USB1: variants seen among roughly 807,000 people sequenced by gnomAD.
USB1 encodes U6 snRNA phosphodiesterase 1.
In USB1, 21 loss-of-function variants were observed where a neutral mutation model predicts 29.9. The observed-to-expected ratio is 0.70, with a 90% CI of 0.50 to 1.01. The LOEUF is 1.01. USB1 is among the 50% of genes least tolerant of loss of function. USB1 has a pLI of 0.00. For synonymous variants in USB1, 143 were observed against 134.9 expected, an observed-to-expected ratio of 1.06 and a Z score of -0.42; for missense variants, 330 against 347.1, an observed-to-expected ratio of 0.95 and a Z score of 0.39.
chr16:58,005,129 T>C (rs983830095), intron 2 of USB1, among the ~76,000 whole-genome samples: 2 of 152,170 alleles, frequency 1.3e-5, no homozygotes, highest in African/African-American at 4.8e-5. Flanking sequence ...TTGCTACTGC[T>C]AGCTAAAAGG....
chr16:58,013,182 G>A lies in USB1; in HGVS notation c.450-1091G>A, dbSNP rs1963538367. 1 of 985,530 alleles carries A rather than the reference G, an allele frequency of 1.0e-6. No individual in the cohort carries two copies. The highest frequency in any genetic ancestry group is 4.7e-5 in the South Asian group (1 of 21,290). 61.0% of individuals were successfully genotyped at this position (985,530 alleles called of 1,614,324 possible). A position where few individuals can be genotyped will look rare whatever the true frequency, so the allele number is the denominator to read the frequency against. ...CAGGCCTGGGCAGCCTGCCTCTGGA[G>A]TAGGGGTGGAGAGCCATCCTGCAAC... On this transcript the variant is annotated intron_variant, in intron 3 of 6. Transcript: ENST00000219281. This position sits in a 1 kb window ranked among gnomAD's most constrained non-coding sequence, Gnocchi z 4.3.
intron 2 of USB1, among the ~76,000 whole-genome samples, chr16:58,006,423 G>T (rs1356313868): frequency 1.3e-5 from 2 of 151,374 alleles, no homozygotes; most frequent in East Asian, 3.9e-4. Context: ...ACTTTGGGAG[G>T]CCAAGGCGGG....
intron 1 of USB1, among the ~76,000 whole-genome samples, chr16:58,002,244 C>T (rs1220333919): frequency 6.6e-6 from 1 of 152,152 alleles, no homozygotes; most frequent in Non-Finnish European, 1.5e-5. Context: ...GACCCCTGAA[C>T]CACATTGTTG....
chr16:58,000,710 C>T (rs1963160300), upstream of USB1, among the ~76,000 whole-genome samples: 2 of 149,676 alleles, frequency 1.3e-5, no homozygotes, highest in African/African-American at 4.9e-5. This position sits in a 1 kb window ranked among gnomAD's most constrained non-coding sequence, Gnocchi z 4.5. Flanking sequence ...GAGGCGGGGC[C>T]GGGGGAGGAG....
At position 58,001,426 on chromosome 16, in the gene USB1, T is replaced by C. The variant is rs1403864418; in HGVS notation, c.-58T>C. 1 of 1,549,660 alleles carries C rather than the reference T, an allele frequency of 6.5e-7. No individual in the cohort carries two copies. On this transcript the variant is annotated 5_prime_UTR_variant, in exon 1 of 7. Transcript: ENST00000219281. ...GAGGGCGCTTCCGGCACAGCGGAAC[T>C]CCGGGTGCCGGTTGAGGTTGCTGGT...
At chr16:58,010,814 G>A (rs1428998335) in intron 3 of USB1, 4 of 580,548 alleles carry the variant, frequency 6.9e-6, no homozygotes, top group Non-Finnish European at 1.2e-5. Context: ...TTGGGAGTGA[G>A]CCACCCTCCC....
At position 58,020,244 on chromosome 16, in the gene USB1, G is replaced by C. The variant is rs1454666882; in HGVS notation, c.797G>C (p.Ter266SerextTer32). Residue 266 changes from the stop codon to serine (S), a stop_lost, in exon 7 of 7, where the codon TGA becomes TCA. Transcript: ENST00000219281. Reference sequence around the variant, plus strand: ...AAGTTCTTCTCGATGCCTTTGAAGTGAGCACCAGAGGCCTTCCTCCTCCAG... The same window carrying C: ...AAGTTCTTCTCGATGCCTTTGAAGTCAGCACCAGAGGCCTTCCTCCTCCAG... Reference protein sequence around the residue: ...GNKFFSMPLK* With the variant: ...GNKFFSMPLKS The C allele has an allele frequency of 6.2e-7, 1 of 1,613,986 alleles. No individual in the cohort carries two copies. The highest frequency in any genetic ancestry group is 1.1e-5 in the South Asian group (1 of 91,074).
intron 1 of USB1, among the ~76,000 whole-genome samples, 198 bp from the exon 2 acceptor site, chr16:58,002,281 C>A (rs1963236850): frequency 6.6e-6 from 1 of 152,134 alleles, no homozygotes. Context: ...CCATGGGGAC[C>A]TTGTGCCCCA....
At chr16:58,006,354 A>G (rs1304078416) in intron 2 of USB1, among the ~76,000 whole-genome samples, 1 of 688 alleles carries the variant, frequency 1.5e-3, no homozygotes, top group Non-Finnish European at 3.2e-3. Context: ...CCTCGTTTCA[A>G]AAAAAAAAAA....
At chr16:58,010,596 A>G in intron 3 of USB1, 1 of 222,816 alleles carries the variant, frequency 4.5e-6, no homozygotes, top group South Asian at 5.5e-5. Flanking sequence ...GTCTGATTTC[A>G]CTACAAATCA....
rs1226138899 is a variant in USB1, at chr16:58,012,292, G to A, written c.450-1981G>A. Reference sequence around the variant, plus strand: ...ATTGTCATTATCAAGTTGATTGATTGTATATTATCAGGACTCTCTTAACCA... The same window carrying A: ...ATTGTCATTATCAAGTTGATTGATTATATATTATCAGGACTCTCTTAACCA... On this transcript the variant is annotated intron_variant, in intron 3 of 6. Transcript: ENST00000219281. 4.6e-6 allele frequency: 7 copies of A among 1,535,468 alleles called. No homozygotes were observed. In the South Asian group the frequency reaches 7.1e-5, roughly 16 times the overall value.
chr16:58,000,038 C>A (rs1278249103), upstream of USB1, among the ~76,000 whole-genome samples: 1 of 152,220 alleles, frequency 6.6e-6, no homozygotes, highest in Non-Finnish European at 1.5e-5. The surrounding 1 kb of genome is among the most constrained non-coding windows in gnomAD (Gnocchi z 4.5). Flanking sequence ...GGAGGCCCCC[C>A]ACCTGCGCCC....
chr16:58,003,628 C>G (rs536100418), intron 2 of USB1, among the ~76,000 whole-genome samples: 2 of 152,176 alleles, frequency 1.3e-5, no homozygotes, highest in Admixed American at 1.3e-4. Flanking sequence ...TGATCCAGAT[C>G]ATCTTTTCAA....
Position 58,002,462 on chromosome 16 carries a change from C to T in USB1, c.99-17C>T. 1 of 1,613,340 alleles carries T rather than the reference C, an allele frequency of 6.2e-7. No individual in the cohort carries two copies. The highest frequency in any genetic ancestry group is 8.5e-7 in the Non-Finnish European group (1 of 1,179,966). ...TAACAGGATAAATGTACTCATTTTTCTTTTTTTCTTTTGCAGTGGCCAGAG... is the reference window on the plus strand; with the variant it reads ...TAACAGGATAAATGTACTCATTTTTTTTTTTTTCTTTTGCAGTGGCCAGAG... On this transcript the variant is annotated splice_polypyrimidine_tract_variant and intron_variant, in intron 1 of 6. Coordinates refer to ENST00000219281, the MANE Select transcript of USB1 (RefSeq NM_024598.4).
intron 2 of USB1, 79 bp downstream of exon 2, chr16:58,002,724 C>G (rs1014329150): frequency 1.0e-5 from 16 of 1,590,730 alleles, no homozygotes; most frequent in Non-Finnish European, 1.4e-5. Context: ...CTGGCCCCAA[C>G]TAGAAGGAAG....
chr16:58,005,396 C>A (rs751333867), intron 2 of USB1, among the ~76,000 whole-genome samples: 1 of 152,156 alleles, frequency 6.6e-6, no homozygotes, highest in African/African-American at 2.4e-5. Context: ...TGGCAATGGG[C>A]ATCTTCCCAG....
intron 3 of USB1, 77 bp from the exon 4 acceptor site, chr16:58,014,196 G>T: frequency 1.7e-6 from 2 of 1,194,732 alleles, no homozygotes; most frequent in Non-Finnish European, 2.4e-6. Flanking sequence ...TCAAAGTGCT[G>T]TTTTTTTTTA....
intron 2 of USB1, among the ~76,000 whole-genome samples, chr16:58,005,296 C>G (rs973389296): frequency 3.3e-5 from 5 of 152,020 alleles, no homozygotes; most frequent in African/African-American, 1.2e-4. Context: ...CTCTAAACTC[C>G]CCTGGGGAAA....
chr16:58,006,940 G>C (rs1766068063), intron 2 of USB1, among the ~76,000 whole-genome samples: 3 of 152,286 alleles, frequency 2.0e-5, no homozygotes, highest in African/African-American at 7.2e-5. Flanking sequence ...ATTGGATTTT[G>C]TCAAATACTT....
Sources: allele counts gnomAD v4.1 joint callset (sites outside exome capture counted in the v4.1 genomes callset), GRCh38; gene constraint gnomAD v4.1.1; non-coding constraint Gnocchi (gnomAD v3.1); transcripts MANE v1.5; gene names NCBI Gene and HGNC (gene_info 2026-07-23, HGNC 2026-07-21).